The following ST3GAL1 variants were observed in gnomAD, a reference collection of about 807,000 sequenced individuals.
ST3GAL1 encodes the protein ST3 beta-galactoside alpha-2,3-sialyltransferase 1.
ST3GAL1 carries 16 observed loss-of-function variants against 34.1 expected under a neutral mutation model. That is an observed-to-expected ratio of 0.47 (90% CI 0.32 to 0.71). The LOEUF (loss-of-function observed/expected upper bound fraction) is 0.71. Ranked by LOEUF, ST3GAL1 falls within the 30% of genes least tolerant of loss-of-function variation. ST3GAL1 has a pLI of 0.04. For missense variants in ST3GAL1, 353 were observed against 447.4 expected, an observed-to-expected ratio of 0.79 and a Z score of 1.90; for synonymous variants, 191 against 184.7, an observed-to-expected ratio of 1.03 and a Z score of -0.28.
intron 1 of ST3GAL1, among the ~76,000 whole-genome samples, chr8:133,564,214 C>G (rs1000018921): frequency 6.6e-6 from 1 of 152,164 alleles, no homozygotes; most frequent in African/African-American, 2.4e-5. Flanking sequence ...CTGGTATGAT[C>G]ATGAAGTTCT....
chr8:133,525,248 G>A (rs943700916), intron 2 of ST3GAL1, among the ~76,000 whole-genome samples: 6 of 152,166 alleles, frequency 3.9e-5, no homozygotes, highest in African/African-American at 1.4e-4. Flanking sequence ...ACACATAGTG[G>A]GTAGCTCCTT....
chr8:133,540,920 CAT>C lies in ST3GAL1; in HGVS notation c.-429+4852_-429+4853del, dbSNP rs750473442. Among the ~76,000 whole-genome samples, 292 of 39,538 alleles carry C rather than the reference CAT, an allele frequency of 7.4e-3. 9 individuals are homozygous for C. The highest frequency in any genetic ancestry group is 0.035 in the East Asian group (32 of 922). The allele number at this position is 39,538 out of a possible 152,430, so 25.9% of individuals were successfully genotyped here. The stretch of plus-strand genomic sequence containing the variant: ...ACATATATATAGACATATATATAGA[CAT>C]ATATATATAGACATATATAGACATA... On this transcript the variant is annotated intron_variant, in intron 2 of 9. Coordinates refer to ENST00000522652, the MANE Select transcript of ST3GAL1 (RefSeq NM_173344.3).
chr8:133,460,127 CA>C (rs1563691952), intron 9 of ST3GAL1, among the ~76,000 whole-genome samples, 190 bp from the exon 10 acceptor site: 1 of 152,200 alleles, frequency 6.6e-6, no homozygotes, highest in East Asian at 1.9e-4. Flanking sequence ...GAAGCAAATG[CA>C]AGTTAAGTAA....
chr8:133,559,426 T>A (rs761364180), intron 1 of ST3GAL1, among the ~76,000 whole-genome samples: 3 of 152,156 alleles, frequency 2.0e-5, no homozygotes, highest in Non-Finnish European at 1.5e-5. Context: ...TTCTATCAGG[T>A]GGTGAAAGAA....
At chr8:133,481,380 C>T (rs1816379502) in intron 3 of ST3GAL1, among the ~76,000 whole-genome samples, 1 of 152,220 alleles carries the variant, frequency 6.6e-6, no homozygotes, top group Non-Finnish European at 1.5e-5. Context: ...GTGACTCTTC[C>T]TTACAGGCTC....
At chr8:133,478,906 C>A (rs1325660043) in intron 3 of ST3GAL1, among the ~76,000 whole-genome samples, 1 of 152,174 alleles carries the variant, frequency 6.6e-6, no homozygotes, top group Non-Finnish European at 1.5e-5. Flanking sequence ...AGGCTTGGGT[C>A]ATGAAGAAAC....
chr8:133,557,588 A>G (rs1819088646), intron 1 of ST3GAL1, among the ~76,000 whole-genome samples: 2 of 152,086 alleles, frequency 1.3e-5, no homozygotes, highest in Non-Finnish European at 2.9e-5. Flanking sequence ...TCTGACTCAC[A>G]CCTGTAATCC....
At chr8:133,520,300 C>T (rs984278442) in intron 2 of ST3GAL1, among the ~76,000 whole-genome samples, 3 of 152,238 alleles carry the variant, frequency 2.0e-5, no homozygotes, top group Non-Finnish European at 4.4e-5. Context: ...CCTGCCCACA[C>T]GCTGCTTGGT....
chr8:133,541,120 T>TATATATATATAGAGAGAGAGAG (rs71299078), intron 2 of ST3GAL1, among the ~76,000 whole-genome samples: 2 of 48,626 alleles, frequency 4.1e-5, no homozygotes, highest in African/African-American at 2.0e-4. Context: ...TATATATATA[T>TATATATATATAGAGAGAGAGAG]AGAGAGAGAG....
chr8:133,511,264 T>A (rs895647977), intron 2 of ST3GAL1, among the ~76,000 whole-genome samples: 17 of 152,204 alleles, frequency 1.1e-4, no homozygotes. Context: ...ACAGTACTTA[T>A]GGGGAGGTAG....
chr8:133,545,330 T>C (rs995730817), intron 2 of ST3GAL1, among the ~76,000 whole-genome samples: 2 of 152,166 alleles, frequency 1.3e-5, no homozygotes, highest in African/African-American at 4.8e-5. Flanking sequence ...ATGAGCATGG[T>C]GGGGCGCCAG....
intron 2 of ST3GAL1, among the ~76,000 whole-genome samples, chr8:133,541,024 TATATATAGAC>T (rs1424321265): frequency 6.2e-5 from 6 of 96,612 alleles, no homozygotes; most frequent in African/African-American, 1.2e-4. Flanking sequence ...TATGCAGACA[TATATATAGAC>T]ATATATAGAC....
rs1454001238 is a variant in ST3GAL1, at chr8:133,570,202, C to T, written c.-582+1491G>A. The T allele has an allele frequency of 6.6e-6, 1 of 152,306 alleles. No homozygotes were observed. The highest frequency in any genetic ancestry group is 2.4e-5 in the African/African-American group (1 of 41,476). 9.4% of individuals were successfully genotyped at this position (152,306 alleles called of 1,614,324 possible). ...CAGCCGCAGAGCGGGGGTGGGCGCT[C>T]GCTGTCTCCCTGGAGAACCAGCTCG... On this transcript the variant is annotated intron_variant, in intron 1 of 9. Coordinates refer to ENST00000522652, the MANE Select transcript of ST3GAL1 (RefSeq NM_173344.3). This position sits in a 1 kb window ranked among gnomAD's most constrained non-coding sequence, Gnocchi z 5.6.
At chr8:133,492,200 T>C (rs1279262184) in intron 3 of ST3GAL1, among the ~76,000 whole-genome samples, 2 of 152,072 alleles carry the variant, frequency 1.3e-5, no homozygotes, top group Admixed American at 1.3e-4. Flanking sequence ...CCAGAGCCTG[T>C]CCCTGGGGGT....
chr8:133,474,770 T>C (rs1816103325), intron 5 of ST3GAL1, among the ~76,000 whole-genome samples: 2 of 152,208 alleles, frequency 1.3e-5, no homozygotes, highest in South Asian at 4.2e-4. Flanking sequence ...ACTTGAGTCC[T>C]GCTGTCTCAG....
chr8:133,540,774 TAGAGAC>T (rs1563733914), intron 2 of ST3GAL1, among the ~76,000 whole-genome samples: 2 of 70,462 alleles, frequency 2.8e-5, no homozygotes, highest in Middle Eastern at 9.4e-3. Context: ...CATATATATA[TAGAGAC>T]ATATATATAT....
At chr8:133,499,862 G>A (rs1817091961) in intron 2 of ST3GAL1, among the ~76,000 whole-genome samples, 1 of 152,136 alleles carries the variant, frequency 6.6e-6, no homozygotes, top group Admixed American at 6.5e-5. Flanking sequence ...CATCCCCAGG[G>A]AAGCGTGTGC....
intron 2 of ST3GAL1, among the ~76,000 whole-genome samples, chr8:133,522,841 C>A (rs1817852554): frequency 1.3e-5 from 2 of 152,176 alleles, no homozygotes; most frequent in African/African-American, 4.8e-5. Flanking sequence ...CCTTCTCTGG[C>A]CTCCTGGTGT....
intron 2 of ST3GAL1, among the ~76,000 whole-genome samples, chr8:133,518,155 T>G (rs59137899): frequency 0.02 from 2,983 of 152,348 alleles, 59 homozygotes; most frequent in African/African-American, 0.05. Flanking sequence ...GATATTCACA[T>G]GCCAACAGAT....
Sources: gnomAD v4.1 joint callset for allele counts (sites outside exome capture counted in the v4.1 genomes callset) on GRCh38, gnomAD v4.1.1 for gene constraint, Gnocchi (gnomAD v3.1) non-coding constraint, MANE v1.5 for transcripts, NCBI Gene and HGNC (gene_info 2026-07-23, HGNC 2026-07-21) for gene names.